The following DIAPH1 variants were observed in gnomAD, a reference collection of about 807,000 sequenced individuals.
DIAPH1 encodes the protein diaphanous related formin 1.
Under a neutral mutation model 140.7 loss-of-function variants are expected in DIAPH1, and 46 were observed. That is an observed-to-expected ratio of 0.33 (90% CI 0.26 to 0.42). The LOEUF is 0.42. Ranked by LOEUF, DIAPH1 falls within the 10% of genes least tolerant of loss-of-function variation. The pLI is 1.00. For synonymous variants in DIAPH1, 565 were observed against 551.6 expected (o/e 1.02, Z -0.34); for missense variants, 1,310 against 1,558.7 (o/e 0.84, Z 2.69).
At chr5:141,596,790 A>G (rs2099899389) in intron 1 of DIAPH1, among the ~76,000 whole-genome samples, 1 of 152,186 alleles carries the variant, frequency 6.6e-6, no homozygotes, top group South Asian at 2.1e-4. Flanking sequence ...GTAATCCCTC[A>G]TTCTTAAACA....
At chr5:141,615,749 A>G (rs2099902589) in intron 1 of DIAPH1, among the ~76,000 whole-genome samples, 1 of 152,170 alleles carries the variant, frequency 6.6e-6, no homozygotes, top group Admixed American at 6.5e-5. Context: ...TCTCAAAAAA[A>G]GAAAAAAAAA....
intron 18 of DIAPH1, chr5:141,564,539 A>G (rs1012729053): frequency 1.3e-5 from 2 of 152,238 alleles, no homozygotes; most frequent in African/African-American, 2.4e-5. Context: ...TGTGGAAACT[A>G]CATCAGCAGC....
At chr5:141,577,669 A>T in intron 11 of DIAPH1, 78 bp from the exon 12 acceptor site, 1 of 929,670 alleles carries the variant, frequency 1.1e-6, no homozygotes, top group South Asian at 1.3e-5. Flanking sequence ...ACTCTTGAAA[A>T]AGCTAGGGAA....
chr5:141,547,078 G>C (rs906703961), intron 18 of DIAPH1, among the ~76,000 whole-genome samples: 5 of 152,042 alleles, frequency 3.3e-5, no homozygotes, highest in African/African-American at 7.3e-5. Flanking sequence ...TTCCCAAAAA[G>C]GACTTTAAAA....
At chr5:141,544,510 T>A (rs1388492911) in intron 18 of DIAPH1, among the ~76,000 whole-genome samples, 1 of 152,106 alleles carries the variant, frequency 6.6e-6, no homozygotes, top group East Asian at 1.9e-4. Context: ...ATTAAAAAGT[T>A]ATGACTAGAT....
At chr5:141,543,456 T>C (rs1473676955) in intron 18 of DIAPH1, among the ~76,000 whole-genome samples, 4 of 152,220 alleles carry the variant, frequency 2.6e-5, no homozygotes, top group Admixed American at 6.5e-5. Flanking sequence ...GCTGGACAAC[T>C]TTCTGAATAC....
At position 141,598,231 on chromosome 5, in the gene DIAPH1, T is replaced by C. The variant is rs143051504; in HGVS notation, c.118-9981A>G. Among the ~76,000 whole-genome samples the C allele has an allele frequency of 3.8e-3, 581 of 152,328 alleles. 5 individuals carry two copies. Among genetic ancestry groups the C allele is most frequent in the Admixed American group, 0.011 (168 of 15,292 alleles). ...TTAAGTTTTATCTATTTCATTTATA[T>C]GCAAATAATTATTAATGAAAACAAA... On this transcript the variant is annotated intron_variant, in intron 1 of 27. Transcript: ENST00000389054.
chr5:141,531,011 CTT>C (rs1478279380), intron 19 of DIAPH1, among the ~76,000 whole-genome samples: 3 of 152,148 alleles, frequency 2.0e-5, no homozygotes, highest in Non-Finnish European at 4.4e-5. Context: ...ACCAGTTTCT[CTT>C]TCTTTCACTT....
At position 141,576,797 on chromosome 5, in the gene DIAPH1, A is replaced by T. The variant is rs757579900; in HGVS notation, c.1355T>A (p.Phe452Tyr). The T allele has an allele frequency of 6.2e-7, 1 of 1,614,032 alleles. No individual in the cohort carries two copies. The highest frequency in any genetic ancestry group is 2.2e-5 in the East Asian group (1 of 44,880). ...CTCAATCTGGAGGTGCCGGCACTTG[A>T]AGTCAGGATCAGCCCCGTTCTTGTG... ...VLHKNGADPD[F>Y]KCRHLQIEIE... The change falls in exon 13 of 28, where the codon TTC becomes TAC. Residue 452 changes from phenylalanine (F) to tyrosine (Y), a missense_variant. Phe to Tyr is a conservative substitution (Grantham distance 22, BLOSUM62 3). Transcript: ENST00000389054.
intron 1 of DIAPH1, among the ~76,000 whole-genome samples, chr5:141,592,975 A>G (rs889272891): frequency 6.6e-6 from 1 of 152,208 alleles, no homozygotes; most frequent in African/African-American, 2.4e-5. Context: ...GAAAGTAAGA[A>G]GTGATGCAAG....
chr5:141,583,501 TGA>T lies in DIAPH1; in HGVS notation c.515_516del (p.Leu172GlnfsTer14). 4.3e-6 allele frequency: 7 copies of T among 1,614,154 alleles called. No individual in the cohort carries two copies. Among genetic ancestry groups the T allele is most frequent in the Non-Finnish European group, 5.9e-6 (7 of 1,180,016 alleles). On this transcript the variant is annotated frameshift_variant, in exon 5 of 28. Transcript: ENST00000389054. LOFTEE classifies it high-confidence loss of function. Reference sequence around the variant, plus strand: ...AATCCTCACCTGACAGGGTTGTTGTTGAGAGACACACGAAGGGACTCCAGGCA... The same window carrying T: ...AATCCTCACCTGACAGGGTTGTTGTTGAGACACACGAAGGGACTCCAGGCA... ...LSCLESLRVS[L>X]NNNPVSWVQT... is the part of the protein sequence containing the mutation.
At chr5:141,539,418 G>GT (rs57490035) in intron 18 of DIAPH1, among the ~76,000 whole-genome samples, 21,129 of 132,294 alleles carry the variant, frequency 0.16, 2,635 homozygotes, top group African/African-American at 0.36. Context: ...GGGTAGTTTT[G>GT]TTTTTTTTTT....
intron 13 of DIAPH1, 77 bp from the exon 14 acceptor site, chr5:141,576,371 A>G: frequency 8.8e-7 from 1 of 1,131,918 alleles, no homozygotes; most frequent in Non-Finnish European, 1.3e-6. Context: ...CCTTCCAAAG[A>G]ACAGTCTTTT....
rs745679755 is a variant in DIAPH1 at position 141,578,209 on chromosome 5, G to A, written c.1163+16C>T. The A allele has an allele frequency of 6.3e-7, 1 of 1,580,524 alleles. No homozygotes were observed. Among genetic ancestry groups the A allele is most frequent in the East Asian group, 2.2e-5 (1 of 44,696 alleles). Reference sequence around the variant, plus strand: ...GAATGTCTCATCTGCCTTGAACCTAGTCAGCAAAAGGATATTCCATCTCCA... The same window carrying A: ...GAATGTCTCATCTGCCTTGAACCTAATCAGCAAAAGGATATTCCATCTCCA... On this transcript the variant is annotated intron_variant, in intron 11 of 27. Coordinates refer to ENST00000389054, the MANE Select transcript of DIAPH1 (RefSeq NM_005219.5).
intron 1 of DIAPH1, 39 bp from the exon 2 acceptor site, chr5:141,588,289 A>C: frequency 6.4e-7 from 1 of 1,556,356 alleles, no homozygotes; most frequent in Non-Finnish European, 8.9e-7. Flanking sequence ...AAAGAAGAGA[A>C]ATCAGTGAAG....
intron 8 of DIAPH1, among the ~76,000 whole-genome samples, chr5:141,580,034 T>C (rs967911299): frequency 2.0e-5 from 3 of 151,092 alleles, no homozygotes; most frequent in South Asian, 2.1e-4. Context: ...TACATGTATA[T>C]GGAATACTAA....
rs150187999 is a variant in DIAPH1, at chr5:141,559,865, G to A, written c.2482+11563C>T. Among the ~76,000 whole-genome samples, 563 of 152,096 alleles carry A rather than the reference G, an allele frequency of 3.7e-3. 5 individuals carry two copies. The highest frequency in any genetic ancestry group is 0.011 in the Admixed American group (163 of 15,266). ...GTACTAGAAATAAAACTCTTTTCCTGGATTAAAAAATGTTTTATTATGGGA... is the reference window on the plus strand; with the variant it reads ...GTACTAGAAATAAAACTCTTTTCCTAGATTAAAAAATGTTTTATTATGGGA... On this transcript the variant is annotated intron_variant, in intron 18 of 27. Coordinates refer to ENST00000389054, the MANE Select transcript of DIAPH1 (RefSeq NM_005219.5).
At chr5:141,598,690 T>A (rs2099899692) in intron 1 of DIAPH1, among the ~76,000 whole-genome samples, 1 of 152,102 alleles carries the variant, frequency 6.6e-6, no homozygotes, top group Non-Finnish European at 1.5e-5. Context: ...TTATAGTTTA[T>A]AACAACAACA....
At chr5:141,546,001 C>G (rs1309305485) in intron 18 of DIAPH1, among the ~76,000 whole-genome samples, 1 of 152,122 alleles carries the variant, frequency 6.6e-6, no homozygotes, top group Non-Finnish European at 1.5e-5. Context: ...CATTAAAAAT[C>G]TAACTATAAA....
Sources: allele counts gnomAD v4.1 joint callset (sites outside exome capture counted in the v4.1 genomes callset), GRCh38; gene constraint gnomAD v4.1.1; transcripts MANE v1.5; gene names NCBI Gene and HGNC (gene_info 2026-07-23, HGNC 2026-07-21).